Variants in ZNF385D observed in about 807,000 individuals in gnomAD.
ZNF385D encodes the protein zinc finger protein 659.
In ZNF385D, 15 loss-of-function variants were observed where a neutral mutation model predicts 35.8. The ratio of observed to expected loss-of-function variants is 0.42; its 90% CI spans 0.28 to 0.64. The LOEUF is 0.64. Among genes scored for constraint, ZNF385D ranks in the 30% least tolerant of loss-of-function variants. The pLI, the probability that ZNF385D is intolerant of heterozygous loss-of-function variation, is 0.23. For synonymous variants in ZNF385D, 212 were observed against 186.8 expected, an observed-to-expected ratio of 1.13 and a Z score of -1.10; for missense variants, 474 against 494.6, an observed-to-expected ratio of 0.96 and a Z score of 0.39.
chr3:22,112,686 G>C (rs770857440), intron 3 of ZNF385D, among the ~76,000 whole-genome samples: 1 of 152,060 alleles, frequency 6.6e-6, no homozygotes. Context: ...ATGAACAAGG[G>C]TGATATAGGG....
At position 21,486,884 on chromosome 3, in the gene ZNF385D, T is replaced by G. The variant is rs528899102; in HGVS notation, c.439+23977A>C. 1.4e-4 allele frequency among the ~76,000 whole-genome samples: 22 copies of G among 152,258 alleles called. No individual in the cohort carries two copies. The East Asian group carries it at 4.1e-3, about 28-fold the overall frequency. ...TGACTATTCATATCATACTTTTTTT[T>G]AAACTGGCTAGGACCATGCAAAGCA... is the stretch of plus-strand genomic sequence containing the variant. On this transcript the variant is annotated intron_variant, in intron 4 of 7. Transcript: ENST00000281523.
At position 21,703,813 on chromosome 3, in the gene ZNF385D, T is replaced by C. The variant is rs1446858553; in HGVS notation, c.23-38785A>G. Among the ~76,000 whole-genome samples the C allele has an allele frequency of 3.3e-5, 5 of 152,154 alleles. No homozygotes were observed. The South Asian group carries it at 8.3e-4, about 25-fold the overall frequency. On this transcript the variant is annotated intron_variant, in intron 1 of 7. Coordinates refer to ENST00000281523, the MANE Select transcript of ZNF385D (RefSeq NM_024697.3). The stretch of plus-strand genomic sequence containing the variant: ...CTCTTCTTGACCTTTGGGATTAAAC[T>C]GAGCCCAGGCACTTACCTAGCAATA...
At chr3:21,466,164 C>A (rs192056256) in intron 4 of ZNF385D, among the ~76,000 whole-genome samples, 1 of 152,260 alleles carries the variant, frequency 6.6e-6, no homozygotes, top group Admixed American at 6.5e-5. Flanking sequence ...TAGGCAAATG[C>A]ATGATCAATC....
intron 3 of ZNF385D, among the ~76,000 whole-genome samples, chr3:21,864,990 C>CT (rs3073906): frequency 0.39 from 43,186 of 112,046 alleles, 9,025 homozygotes; most frequent in Middle Eastern, 0.57. Flanking sequence ...TGGAACAATG[C>CT]TTTTTTTTTT....
rs563575935 is a variant in ZNF385D at position 21,518,422 on chromosome 3, G to A, written c.277-7399C>T. Among the ~76,000 whole-genome samples, 121 of 152,020 alleles carry A rather than the reference G, an allele frequency of 8.0e-4. 2 individuals are homozygous for A. The highest frequency in any genetic ancestry group is 5.9e-4 in the Non-Finnish European group (40 of 67,980). On this transcript the variant is annotated intron_variant, in intron 3 of 7. Coordinates refer to ENST00000281523, the MANE Select transcript of ZNF385D (RefSeq NM_024697.3). ...TTTTCTCTCCAAGGTAATTATTGTC[G>A]CAGGACAATTCCTGATCTCATTACT... is the stretch of plus-strand genomic sequence containing the variant.
intron 2 of ZNF385D, among the ~76,000 whole-genome samples, chr3:21,573,478 A>ACGTATGACTTAAACATTC (rs2063395008): frequency 6.6e-6 from 1 of 152,248 alleles, no homozygotes; most frequent in Non-Finnish European, 1.5e-5. Flanking sequence ...AGTAAACCTA[A>ACGTATGACTTAAACATTC]CGTATGACTT....
At chr3:22,140,186 A>G (rs1704416847) in intron 3 of ZNF385D, among the ~76,000 whole-genome samples, 1 of 152,222 alleles carries the variant, frequency 6.6e-6, no homozygotes. Flanking sequence ...AAGTCTTTCA[A>G]CTAGTGAATG....
At chr3:22,166,340 AAATTTTAATT>A (rs1260224725) in intron 3 of ZNF385D, among the ~76,000 whole-genome samples, 1 of 152,212 alleles carries the variant, frequency 6.6e-6, no homozygotes, top group African/African-American at 2.4e-5. Flanking sequence ...GAATATATTA[AAATTTTAATT>A]TTTAAATGTT....
intron 3 of ZNF385D, among the ~76,000 whole-genome samples, chr3:21,986,546 T>C (rs1227402485): frequency 6.8e-6 from 1 of 146,150 alleles, no homozygotes; most frequent in African/African-American, 2.7e-5. Flanking sequence ...TTTGTTATAA[T>C]TTCTGTTCTT....
chr3:22,102,572 C>T (rs1458463019), intron 3 of ZNF385D, among the ~76,000 whole-genome samples: 3 of 152,012 alleles, frequency 2.0e-5, no homozygotes, highest in Non-Finnish European at 4.4e-5. Flanking sequence ...AGATTAGCAA[C>T]TTCTTTGCTG....
At chr3:21,873,808 A>G (rs973028325) in intron 3 of ZNF385D, among the ~76,000 whole-genome samples, 1 of 152,052 alleles carries the variant, frequency 6.6e-6, no homozygotes, top group African/African-American at 2.4e-5. Flanking sequence ...ACATATTACA[A>G]TATTTCCTTC....
At chr3:21,603,864 C>T (rs1407379901) in intron 2 of ZNF385D, among the ~76,000 whole-genome samples, 1 of 152,118 alleles carries the variant, frequency 6.6e-6, no homozygotes, top group Non-Finnish European at 1.5e-5. Context: ...GTGGACTATG[C>T]TTCCCAGCAC....
chr3:21,466,335 A>T (rs554496256), intron 4 of ZNF385D, among the ~76,000 whole-genome samples: 26 of 152,238 alleles, frequency 1.7e-4, no homozygotes, highest in African/African-American at 5.5e-4. Context: ...CTCTAGTCAT[A>T]TTGAAGTTTA....
At chr3:21,643,042 A>T (rs2065652552) in intron 2 of ZNF385D, among the ~76,000 whole-genome samples, 1 of 152,166 alleles carries the variant, frequency 6.6e-6, no homozygotes, top group Non-Finnish European at 1.5e-5. Context: ...CTTACACTTA[A>T]AATGGTACAT....
intron 2 of ZNF385D, among the ~76,000 whole-genome samples, chr3:22,226,855 G>A (rs1337791745): frequency 2.6e-5 from 4 of 152,150 alleles, no homozygotes; most frequent in East Asian, 1.9e-4. Context: ...ACCTAATGTT[G>A]TAATCCTGAC....
intron 2 of ZNF385D, among the ~76,000 whole-genome samples, chr3:21,615,866 G>A (rs1450285288): frequency 2.0e-5 from 3 of 151,174 alleles, no homozygotes; most frequent in Non-Finnish European, 4.4e-5. Flanking sequence ...TTCAGTGAAC[G>A]AGGGGAAAAG....
At chr3:22,327,198 C>G (rs1259873291) in intron 2 of ZNF385D, among the ~76,000 whole-genome samples, 1 of 152,012 alleles carries the variant, frequency 6.6e-6, no homozygotes, top group East Asian at 1.9e-4. Flanking sequence ...TGAGGATGGG[C>G]CATAAAAATC....
In ZNF385D at chr3:22,350,895, C is replaced by G. The variant is rs369489505; in HGVS notation, c.106+21555G>C. Among the ~76,000 whole-genome samples, 79 of 152,120 alleles carry G rather than the reference C, an allele frequency of 5.2e-4. 1 individual carries two copies. The South Asian group carries it at 0.015, about 28-fold the overall frequency. Reference sequence around the variant, plus strand: ...AACCCTAGGTATACCTAAAACCATTCTGGGGGATATACATTATTTTTCACT... The same window carrying G: ...AACCCTAGGTATACCTAAAACCATTGTGGGGGATATACATTATTTTTCACT... On this transcript the variant is annotated intron_variant, in intron 2 of 5. Coordinates refer to the ZNF385D transcript ENST00000494108.
chr3:22,094,872 G>C (rs900090887), intron 3 of ZNF385D, among the ~76,000 whole-genome samples: 11 of 152,120 alleles, frequency 7.2e-5, no homozygotes, highest in African/African-American at 2.4e-4. Context: ...ATGGTTGCCA[G>C]ATATTATCCT....
Sources: gnomAD v4.1 joint callset for allele counts (sites outside exome capture counted in the v4.1 genomes callset) on GRCh38, gnomAD v4.1.1 for gene constraint, MANE v1.5 for transcripts, NCBI Gene and HGNC (gene_info 2026-07-23, HGNC 2026-07-21) for gene names.